Variants in DMBT1 observed in about 807,000 individuals in gnomAD.
The protein encoded by DMBT1 is scavenger receptor cysteine-rich domain-containing protein DMBT1.
In DMBT1, 198 loss-of-function variants were observed where a neutral mutation model predicts 252.9. That is an observed-to-expected ratio of 0.78 (90% CI 0.70 to 0.88). The LOEUF is 0.88. Among genes scored for constraint, DMBT1 ranks in the 40% least tolerant of loss-of-function variants. The pLI, the probability that DMBT1 is intolerant of heterozygous loss-of-function variation, is 0.00. For missense variants in DMBT1, 2,432 were observed against 2,404.7 expected, an observed-to-expected ratio of 1.01 and a Z score of -0.24; for synonymous variants, 990 against 942.7, an observed-to-expected ratio of 1.05 and a Z score of -0.92.
At chr10:122,617,479 C>T (rs541711771) in intron 40 of DMBT1, among the ~76,000 whole-genome samples, 2 of 151,420 alleles carry the variant, frequency 1.3e-5, no homozygotes, top group South Asian at 4.2e-4. Context: ...TCCAAGTGTT[C>T]AGGAACGATC....
intron 27 of DMBT1, among the ~76,000 whole-genome samples, chr10:122,600,332 G>C (rs1196570296): frequency 6.6e-6 from 1 of 151,952 alleles, no homozygotes; most frequent in Non-Finnish European, 1.5e-5. Flanking sequence ...GTTTCATACT[G>C]TCCCAGTGGA....
chr10:122,635,550 A>C (rs969746267), intron 52 of DMBT1, among the ~76,000 whole-genome samples: 15 of 151,768 alleles, frequency 9.9e-5, no homozygotes, highest in African/African-American at 2.7e-4. Flanking sequence ...TTCAATTTTT[A>C]TTTTTCTTTT....
rs2097788825 is a variant in DMBT1, at chr10:122,586,288, G to C, written c.1688G>C (p.Cys563Ser). 1 of 1,588,606 alleles carries C rather than the reference G, an allele frequency of 6.3e-7. No homozygotes were observed. The highest frequency in any genetic ancestry group is 1.3e-5 in the African/African-American group (1 of 74,516). ...CCCATTGTCCTGGATGACGTGCGCT[G>C]CTCAGGGAATGAGTCCTACTTGTGG... ...SGPIVLDDVRCSGNESYLWSC... is the reference protein window; with the variant it reads ...SGPIVLDDVRSSGNESYLWSC... The change falls in exon 16 of 56, where the codon TGC becomes TCC. Residue 563 changes from cysteine (C) to serine (S), a missense_variant. Around this residue, in one of 3 missense-constraint regions of DMBT1, gnomAD observed 1,264 missense variants for 1,082.2 expected, o/e 1.17. Transcript: ENST00000338354.
intron 18 of DMBT1, among the ~76,000 whole-genome samples, chr10:122,591,180 T>A (rs896082683): frequency 6.7e-6 from 1 of 148,738 alleles, no homozygotes; most frequent in Non-Finnish European, 1.5e-5. Context: ...AGGCTCAGCA[T>A]TGGTGTCAGA....
intron 54 of DMBT1, among the ~76,000 whole-genome samples, chr10:122,638,610 T>TA (rs1355761787): frequency 2.0e-5 from 3 of 152,058 alleles, no homozygotes; most frequent in African/African-American, 7.2e-5. Flanking sequence ...CCCAGCTAAT[T>TA]AACAAATTTT....
At chr10:122,620,838 G>A (rs564126086) in intron 43 of DMBT1, among the ~76,000 whole-genome samples, 1 of 152,242 alleles carries the variant, frequency 6.6e-6, no homozygotes, top group Non-Finnish European at 1.5e-5. Flanking sequence ...GGGGTCACAG[G>A]TGCTTCCCCA....
In DMBT1 at chr10:122,643,203, C is replaced by CCAGAACCG; in HGVS notation, c.7435_7436insAGAACCGC (p.Leu2479GlnfsTer4). The CCAGAACCG allele has an allele frequency of 6.2e-7, 1 of 1,614,004 alleles. No individual in the cohort carries two copies. The highest frequency in any genetic ancestry group is 1.3e-5 in the African/African-American group (1 of 75,048). Reference sequence around the variant, plus strand: ...GCTTCCGGTTCAGGGCCTTCCACTTCCTGAACCGCTTCCCCTCCGTGTACC... The same window carrying CCAGAACCG: ...GCTTCCGGTTCAGGGCCTTCCACTTCCAGAACCGCTGAACCGCTTCCCCTCCGTGTACC... On this transcript the variant is annotated frameshift_variant, in exon 56 of 56. Transcript: ENST00000338354. LOFTEE classifies it low-confidence loss of function (END_TRUNC).
At chr10:122,565,711 G>A (rs2097584162) in intron 1 of DMBT1, among the ~76,000 whole-genome samples, 2 of 152,182 alleles carry the variant, frequency 1.3e-5, no homozygotes, top group African/African-American at 4.8e-5. Context: ...GTCACCATAA[G>A]CTGTAGTGTT....
chr10:122,588,662 T>A (rs1352772309), intron 16 of DMBT1, among the ~76,000 whole-genome samples: 1 of 149,020 alleles, frequency 6.7e-6, no homozygotes, highest in Non-Finnish European at 1.5e-5. Flanking sequence ...TGGAGCTCCA[T>A]CCTGTGTGTG....
chr10:122,565,476 A>C (rs2097582150), intron 1 of DMBT1, among the ~76,000 whole-genome samples: 1 of 152,242 alleles, frequency 6.6e-6, no homozygotes, highest in Non-Finnish European at 1.5e-5. Flanking sequence ...CACTGAATAT[A>C]AAGATCCAGG....
chr10:122,630,895 T>G, intron 48 of DMBT1, 66 bp from the exon 49 acceptor site: 5 of 1,509,708 alleles, frequency 3.3e-6, no homozygotes, highest in Non-Finnish European at 4.5e-6. Flanking sequence ...GCTTGGCCTT[T>G]GAGGTTTGTT....
chr10:122,563,712 A>G (rs1010465672), intron 1 of DMBT1, among the ~76,000 whole-genome samples: 3 of 152,120 alleles, frequency 2.0e-5, no homozygotes, highest in African/African-American at 7.2e-5. Flanking sequence ...AAGACTACAG[A>G]TTGGTCTCAG....
In DMBT1 at chr10:122,621,048, C is replaced by G. The variant is rs2098062456; in HGVS notation, c.5285-9C>G. On this transcript the variant is annotated splice_polypyrimidine_tract_variant and intron_variant, in intron 43 of 55. Transcript: ENST00000338354. ...AGTATGGATGAAGGGTTCTTGTGTT[C>G]CCCTGTAGGATCTGAATCCAGTTTG... The G allele has an allele frequency of 6.2e-7, 1 of 1,612,786 alleles. No individual in the cohort carries two copies. Among genetic ancestry groups the G allele is most frequent in the Non-Finnish European group, 8.5e-7 (1 of 1,179,708 alleles).
intron 2 of DMBT1, among the ~76,000 whole-genome samples, chr10:122,567,261 G>A (rs1268540229): frequency 7.9e-5 from 12 of 152,228 alleles, no homozygotes; most frequent in Non-Finnish European, 1.3e-4. Context: ...GTGACCAGGA[G>A]GGGGCGCATT....
At chr10:122,598,666 C>T (rs887597834) in intron 25 of DMBT1, 108 bp from the exon 26 acceptor site, 79 of 1,574,286 alleles carry the variant, frequency 5.0e-5, no homozygotes, top group Non-Finnish European at 6.5e-5. Flanking sequence ...AAGGTGACTG[C>T]CTGCCCAGGT....
At position 122,617,266 on chromosome 10, in the gene DMBT1, C is replaced by G. The variant is rs112040922; in HGVS notation, c.4891+6C>G. 1.9e-6 allele frequency: 3 copies of G among 1,608,770 alleles called. No homozygotes were observed. The highest frequency in any genetic ancestry group is 1.3e-5 in the African/African-American group (1 of 74,184). On this transcript the variant is annotated splice_donor_region_variant and intron_variant, in intron 40 of 55. Transcript: ENST00000338354. ...CTCTCGTGCATCAACAGCAGGTAAA[C>G]AATCCTCTCACCCCTCCCTAGGGCT...
chr10:122,590,411 G>T (rs1286611011), intron 17 of DMBT1, among the ~76,000 whole-genome samples: 1 of 148,632 alleles, frequency 6.7e-6, no homozygotes, highest in Non-Finnish European at 1.5e-5. Context: ...TAAGGGAGAG[G>T]GTTGGTTTTG....
rs368733824 is a variant in DMBT1, at chr10:122,580,883, A to G, written c.1021A>G (p.Thr341Ala). 31 of 1,613,712 alleles carry G rather than the reference A, an allele frequency of 1.9e-5. No individual in the cohort carries two copies. In the African/African-American group the frequency reaches 4.0e-4, roughly 21 times the overall value. Residue 341 changes from threonine (T) to alanine (A), a missense_variant, in exon 11 of 56, where the codon ACA becomes GCA. Thr to Ala is a moderately conservative substitution (Grantham distance 58, BLOSUM62 0). This residue lies in a region of DMBT1 where 1,264 missense variants were observed against 1,082.2 expected (regional missense o/e 1.17). Coordinates refer to ENST00000338354, the MANE Select transcript of DMBT1 (RefSeq NM_001377530.1). ...VICSAPQSRP[T>A]PSPDTWPTSH... ...TCTCACAGCTCCCCAGTCCCGGCCGACACCCAGCCCAGGTAGGTCCCCAGT... is the reference window on the plus strand; with the variant it reads ...TCTCACAGCTCCCCAGTCCCGGCCGGCACCCAGCCCAGGTAGGTCCCCAGT...
intron 2 of DMBT1, among the ~76,000 whole-genome samples, chr10:122,567,122 C>G (rs2133509645): frequency 6.6e-6 from 1 of 152,354 alleles, no homozygotes; most frequent in Non-Finnish European, 1.5e-5. Context: ...AGGTCAGTCC[C>G]TCCCCTTCCA....
Sources: allele counts gnomAD v4.1 joint callset (sites outside exome capture counted in the v4.1 genomes callset), GRCh38; gene constraint gnomAD v4.1.1; regional missense constraint gnomAD v4.1.1; transcripts MANE v1.5; gene names NCBI Gene and HGNC (gene_info 2026-07-23, HGNC 2026-07-21).